Variants in SORCS1 observed in about 807,000 individuals in gnomAD.
SORCS1 encodes VPS10 domain-containing receptor SorCS1.
In SORCS1, 60 loss-of-function variants were observed where a neutral mutation model predicts 146.1. The observed-to-expected ratio is 0.41, with a 90% confidence interval of 0.33 to 0.51. The LOEUF (loss-of-function observed/expected upper bound fraction) is 0.51. Among genes scored for constraint, SORCS1 ranks in the 20% least tolerant of loss-of-function variants. The pLI, the probability that SORCS1 is intolerant of heterozygous loss-of-function variation, is 0.21. For synonymous variants in SORCS1, 637 were observed against 584.0 expected (o/e 1.09, Z -1.31); for missense variants, 1,352 against 1,487.6 (o/e 0.91, Z 1.50).
intron 1 of SORCS1, among the ~76,000 whole-genome samples, chr10:107,127,070 C>T (rs1027215180): frequency 6.6e-6 from 1 of 152,012 alleles, no homozygotes; most frequent in Non-Finnish European, 1.5e-5. Context: ...ATGCCAACCC[C>T]AATCTTGTTT....
chr10:106,604,004 G>A (rs1846408719), intron 23 of SORCS1, among the ~76,000 whole-genome samples: 1 of 152,168 alleles, frequency 6.6e-6, no homozygotes, highest in African/African-American at 2.4e-5. Context: ...CTGTGAACCT[G>A]CAACTCTCGC....
chr10:107,162,693 T>C (rs1308689456), intron 1 of SORCS1, among the ~76,000 whole-genome samples: 1 of 152,210 alleles, frequency 6.6e-6, no homozygotes, highest in East Asian at 1.9e-4. Context: ...TGATGACAGA[T>C]TAGTATTTTA....
Position 106,915,890 on chromosome 10 carries a change from TCTC to T in SORCS1, c.626+40620_626+40622del, listed in dbSNP as rs1301263046. 2.6e-5 allele frequency among the ~76,000 whole-genome samples: 4 copies of T among 152,154 alleles called. No homozygotes were observed. In the East Asian group the frequency reaches 7.7e-4, roughly 29 times the overall value. ...ATTTTGAAGGGACCTGGCTCCAAAT[TCTC>T]CTCCAGGAGGAGCAATGGAAACTTC... On this transcript the variant is annotated intron_variant, in intron 2 of 25. Transcript: ENST00000263054.
intron 1 of SORCS1, among the ~76,000 whole-genome samples, chr10:107,021,276 G>T (rs1958117971): frequency 6.6e-6 from 1 of 151,918 alleles, no homozygotes. Flanking sequence ...ATTTTGGGAG[G>T]CCGAGGCAGG....
intron 1 of SORCS1, among the ~76,000 whole-genome samples, chr10:107,016,513 A>T: frequency 6.8e-6 from 1 of 147,910 alleles, no homozygotes; most frequent in African/African-American, 2.5e-5. Context: ...TCAAAAAAGA[A>T]AAAAAAAATC....
At chr10:106,783,475 T>C (rs1861051116) in intron 3 of SORCS1, among the ~76,000 whole-genome samples, 1 of 152,162 alleles carries the variant, frequency 6.6e-6, no homozygotes, top group Non-Finnish European at 1.5e-5. Context: ...TACTTTATGT[T>C]CTGCTAAAAT....
intron 2 of SORCS1, among the ~76,000 whole-genome samples, chr10:106,879,194 G>A (rs1350388832): frequency 6.6e-6 from 1 of 151,180 alleles, no homozygotes; most frequent in African/African-American, 2.4e-5. Context: ...AGTGAGCAAT[G>A]GTGAGCATGC....
At chr10:107,032,360 C>T (rs559726039) in intron 1 of SORCS1, among the ~76,000 whole-genome samples, 2 of 152,256 alleles carry the variant, frequency 1.3e-5, no homozygotes, top group African/African-American at 2.4e-5. Flanking sequence ...CCATCAAGAT[C>T]CCCGCAGTGT....
rs1379461404 is a variant in SORCS1, at chr10:106,960,310, T to C, written c.559-3730A>G. On this transcript the variant is annotated intron_variant, in intron 1 of 25. Coordinates refer to ENST00000263054, the MANE Select transcript of SORCS1 (RefSeq NM_052918.5). The surrounding 1 kb of genome is among the most constrained non-coding windows in gnomAD (Gnocchi z 4.4). ...TAGGACTTGCTGTCAGCACATGACA[T>C]TTGTACTTCTTTCACTGTGACTCCT... 6.6e-6 allele frequency among the ~76,000 whole-genome samples: 1 copy of C among 152,188 alleles called. No homozygotes were observed. The highest frequency in any genetic ancestry group is 1.5e-5 in the Non-Finnish European group (1 of 68,024).
At chr10:106,959,684 C>T (rs758506826) in intron 1 of SORCS1, among the ~76,000 whole-genome samples, 1 of 152,094 alleles carries the variant, frequency 6.6e-6, no homozygotes, top group Non-Finnish European at 1.5e-5. Context: ...TGTTTGCTTT[C>T]GTTTTTGTTT....
chr10:106,625,705 A>T (rs527650272), intron 19 of SORCS1, among the ~76,000 whole-genome samples: 1 of 152,204 alleles, frequency 6.6e-6, no homozygotes, highest in Non-Finnish European at 1.5e-5. Flanking sequence ...CATGGCTCCT[A>T]TATAAGGGAA....
In SORCS1 at chr10:106,704,955, T is replaced by C. The variant is rs551532163; in HGVS notation, c.1233+1590A>G. Among the ~76,000 whole-genome samples the C allele has an allele frequency of 1.1e-4, 17 of 152,266 alleles. No homozygotes were observed. The South Asian group carries it at 3.5e-3, about 32-fold the overall frequency. ...ACCTGGCTCTGTTGTATTTATTGAGTTAACATGTTCATTTCTCTGACAGAC... is the reference window on the plus strand; with the variant it reads ...ACCTGGCTCTGTTGTATTTATTGAGCTAACATGTTCATTTCTCTGACAGAC... On this transcript the variant is annotated intron_variant, in intron 8 of 25. Coordinates refer to ENST00000263054, the MANE Select transcript of SORCS1 (RefSeq NM_052918.5).
chr10:106,791,164 C>A (rs12257646), intron 3 of SORCS1, among the ~76,000 whole-genome samples: 35,936 of 152,074 alleles, frequency 0.24, 4,593 homozygotes, highest in Non-Finnish European at 0.29. Flanking sequence ...GCTTTTTAAC[C>A]TGCTTTTCCC....
intron 2 of SORCS1, among the ~76,000 whole-genome samples, chr10:106,954,447 C>T (rs1478133729): frequency 1.3e-5 from 2 of 152,122 alleles, no homozygotes; most frequent in Non-Finnish European, 1.5e-5. Flanking sequence ...ATTAAGTCCC[C>T]TACCAAACTT....
At chr10:106,652,645 G>T in intron 17 of SORCS1, 92 bp from the exon 18 acceptor site, 1 of 1,421,900 alleles carries the variant, frequency 7.0e-7, no homozygotes. Flanking sequence ...TAGCCCTGAG[G>T]ACCATCAGTA....
At chr10:106,965,164 A>G (rs1052407794) in intron 1 of SORCS1, among the ~76,000 whole-genome samples, 1 of 152,144 alleles carries the variant, frequency 6.6e-6, no homozygotes, top group African/African-American at 2.4e-5. Flanking sequence ...CAAAGTGGTC[A>G]TAACACTTCT....
intron 3 of SORCS1, among the ~76,000 whole-genome samples, chr10:106,828,494 T>C (rs537589809): frequency 7.2e-5 from 11 of 152,188 alleles, no homozygotes; most frequent in Non-Finnish European, 1.6e-4. Context: ...ACCTTCCATA[T>C]TCCAGATGGC....
intron 11 of SORCS1, 127 bp from the exon 12 acceptor site, chr10:106,679,459 C>T: frequency 1.0e-6 from 1 of 959,800 alleles, no homozygotes; most frequent in Non-Finnish European, 1.6e-6. Flanking sequence ...GGGTTTTCTG[C>T]AGACTTGCTT....
intron 23 of SORCS1, chr10:106,600,850 A>G: frequency 3.1e-6 from 1 of 323,004 alleles, no homozygotes; most frequent in Non-Finnish European, 4.5e-6. Context: ...TGACAAAGAG[A>G]GAGACAGCAG....
Sources: allele counts gnomAD v4.1 joint callset (sites outside exome capture counted in the v4.1 genomes callset), GRCh38; gene constraint gnomAD v4.1.1; non-coding constraint Gnocchi (gnomAD v3.1); transcripts MANE v1.5; gene names NCBI Gene and HGNC (gene_info 2026-07-23, HGNC 2026-07-21).